Variants in GLOD4 observed in about 807,000 individuals in gnomAD.
GLOD4 encodes glyoxalase domain containing 4.
In GLOD4, 44 loss-of-function variants were observed where a neutral mutation model predicts 39.1. The observed-to-expected ratio is 1.13, with a 90% CI of 0.88 to 1.45. GLOD4 has a LOEUF of 1.45. GLOD4 is among the 40% of genes most tolerant of loss of function. The pLI, the probability that GLOD4 is intolerant of heterozygous loss-of-function variation, is 0.00. For synonymous variants in GLOD4, 145 were observed against 135.0 expected, an observed-to-expected ratio of 1.07 and a Z score of -0.52; for missense variants, 405 against 366.4, an observed-to-expected ratio of 1.11 and a Z score of -0.86.
At position 778,267 on chromosome 17, in the gene GLOD4, A is replaced by G. The variant is rs377022960; in HGVS notation, c.140+428T>C. On this transcript the variant is annotated intron_variant, in intron 2 of 8. Transcript: ENST00000301329. ...TTGTAGTTGGTCATCGGAAATCCTG[A>G]AGATCCAGACTGTGACCGGCGCCTG... 5.9e-4 allele frequency: 166 copies of G among 280,310 alleles called. 2 individuals carry two copies. The highest frequency in any genetic ancestry group is 3.5e-3 in the African/African-American group (160 of 46,066). The allele number at this position is 280,310 out of a possible 1,614,324, so 17.4% of individuals were successfully genotyped here.
upstream of GLOD4, chr17:782,721 T>C: frequency 6.4e-7 from 1 of 1,568,480 alleles, no homozygotes; most frequent in Non-Finnish European, 8.7e-7. Flanking sequence ...CTGTCGAATG[T>C]TCTCGTTTCC....
intron 8 of GLOD4, chr17:764,574 G>T (rs1384093697): frequency 1.3e-5 from 2 of 151,782 alleles, no homozygotes; most frequent in Non-Finnish European, 2.9e-5. Flanking sequence ...CCTTATAATA[G>T]ATTAAAAAAT....
At chr17:780,538 C>T (rs1909704855) in intron 1 of GLOD4, 1 of 152,102 alleles carries the variant, frequency 6.6e-6, no homozygotes, top group Non-Finnish European at 1.5e-5. Context: ...TAGACGTCAA[C>T]TCGAATCCTG....
At chr17:778,548 T>G in intron 2 of GLOD4, 147 bp downstream of exon 2, 1 of 689,080 alleles carries the variant, frequency 1.5e-6, no homozygotes, top group South Asian at 1.6e-5. Context: ...AGAAACAGTA[T>G]GTGTTCCCGA....
At chr17:769,449 C>T (rs1735593065) in intron 8 of GLOD4, among the ~76,000 whole-genome samples, 1 of 147,916 alleles carries the variant, frequency 6.8e-6, no homozygotes, top group African/African-American at 2.5e-5. Flanking sequence ...CGGATAGAGG[C>T]ATCTCCATGG....
At chr17:785,363 T>A (rs1426153031), upstream of GLOD4, among the ~76,000 whole-genome samples, 1 of 152,082 alleles carries the variant, frequency 6.6e-6, no homozygotes, top group Non-Finnish European at 1.5e-5. Context: ...ATTCTTTCCA[T>A]AAAACTTTAG....
At chr17:772,013 C>CAAA (rs67745456) in intron 4 of GLOD4, among the ~76,000 whole-genome samples, 13 of 50,982 alleles carry the variant, frequency 2.5e-4, no homozygotes, top group African/African-American at 1.0e-3. Context: ...AACTCTGTCT[C>CAAA]AAAAAAAAAA....
intron 1 of GLOD4, among the ~76,000 whole-genome samples, chr17:779,134 G>A (rs941218079): frequency 6.6e-6 from 1 of 151,980 alleles, no homozygotes; most frequent in East Asian, 1.9e-4. Flanking sequence ...GGCAAACATA[G>A]TGAAACCCCG....
rs569650658 is a variant in GLOD4 at position 759,936 on chromosome 17, C to T, written c.*237G>A. 9.3e-5 allele frequency: 49 copies of T among 528,312 alleles called. 1 individual carries two copies. Among genetic ancestry groups the T allele is most frequent in the South Asian group, 7.3e-4 (30 of 41,224 alleles). The allele number at this position is 528,312 out of a possible 1,614,324, so 32.7% of individuals were successfully genotyped here. ...ATCCAACACAGTTATATACAGAATGCGCAGTCCCAGCAACAGTGTAGATTA... is the reference window on the plus strand; with the variant it reads ...ATCCAACACAGTTATATACAGAATGTGCAGTCCCAGCAACAGTGTAGATTA... On this transcript the variant is annotated 3_prime_UTR_variant, in exon 9 of 9. Transcript: ENST00000301329.
intron 8 of GLOD4, chr17:763,561 G>A (rs1034828568): frequency 7.2e-5 from 11 of 151,920 alleles, no homozygotes; most frequent in African/African-American, 2.4e-4. Flanking sequence ...ACTTAAGAAC[G>A]TACCGATATA....
chr17:779,769 C>G (rs1284718176), intron 1 of GLOD4, among the ~76,000 whole-genome samples: 1 of 152,234 alleles, frequency 6.6e-6, no homozygotes, highest in Non-Finnish European at 1.5e-5. Flanking sequence ...TCACAGAACC[C>G]TGCACACAGC....
At chr17:774,411 C>T (rs554201310) in intron 4 of GLOD4, among the ~76,000 whole-genome samples, 8 of 152,358 alleles carry the variant, frequency 5.3e-5, no homozygotes, top group Admixed American at 2.6e-4. Flanking sequence ...CCTTGCCATT[C>T]GCCAGCATTT....
At chr17:772,945 A>G (rs935927450) in intron 4 of GLOD4, among the ~76,000 whole-genome samples, 5 of 152,004 alleles carry the variant, frequency 3.3e-5, no homozygotes, top group Non-Finnish European at 5.9e-5. Context: ...CAGTGAGCCC[A>G]GAGCGCGCCA....
At chr17:783,035 C>T (rs1347891651), upstream of GLOD4, 24 of 1,558,684 alleles carry the variant, frequency 1.5e-5, no homozygotes, top group South Asian at 2.4e-5. Flanking sequence ...GTCTCAGTAA[C>T]AAGGATGTTG....
At position 774,575 on chromosome 17, in the gene GLOD4, C is replaced by T. The variant is rs536472902; in HGVS notation, c.406+1200G>A. Among the ~76,000 whole-genome samples the T allele has an allele frequency of 3.3e-5, 5 of 152,312 alleles. No homozygotes were observed. In the South Asian group the frequency reaches 8.3e-4, roughly 25 times the overall value. On this transcript the variant is annotated intron_variant, in intron 4 of 8. Transcript: ENST00000301329. ...TGTGTGGCAGTCAGCGTGGGGGCTC[C>T]TCACTTCCATGCCATCCCTGAGTAC...
chr17:782,276 G>C lies in GLOD4; in HGVS notation c.-21C>G, dbSNP rs369917025. ...GCCATGATTCCCGCCGCACGCAGCCGTCACGCGCACCGTACAGCCCAGTCC... is the reference window on the plus strand; with the variant it reads ...GCCATGATTCCCGCCGCACGCAGCCCTCACGCGCACCGTACAGCCCAGTCC... On this transcript the variant is annotated 5_prime_UTR_variant, in exon 1 of 9. Coordinates refer to ENST00000301329, the MANE Select transcript of GLOD4 (RefSeq NM_016080.4). 6.2e-7 allele frequency: 1 copy of C among 1,612,430 alleles called. No individual in the cohort carries two copies. Among genetic ancestry groups the C allele is most frequent in the Non-Finnish European group, 8.5e-7 (1 of 1,179,016 alleles).
In GLOD4 at chr17:759,670, T is replaced by C. The variant is rs1256754554; in HGVS notation, c.*503A>G. On this transcript the variant is annotated 3_prime_UTR_variant, in exon 9 of 9. Transcript: ENST00000301329. The stretch of plus-strand genomic sequence containing the variant: ...AGAGGGGGGTGGTTAACCAAACCTT[T>C]TGGTCCAAGGAATAAAATTTCTTTA... 6.5e-6 allele frequency: 1 copy of C among 152,746 alleles called. No homozygotes were observed. The highest frequency in any genetic ancestry group is 1.5e-5 in the Non-Finnish European group (1 of 68,424). The allele number at this position is 152,746 out of a possible 1,614,324, so 9.5% of individuals were successfully genotyped here.
chr17:781,942 C>A, intron 1 of GLOD4: 1 of 539,224 alleles, frequency 1.9e-6, no homozygotes, highest in Non-Finnish European at 3.3e-6. Flanking sequence ...AAAGGACGTG[C>A]GTGGGCACAC....
intron 1 of GLOD4, among the ~76,000 whole-genome samples, chr17:780,057 G>C (rs1490758271): frequency 2.0e-5 from 3 of 152,076 alleles, no homozygotes; most frequent in African/African-American, 7.2e-5. Context: ...CCAGCTACTC[G>C]GGAGGCTGAG....
Sources: allele counts gnomAD v4.1 joint callset (sites outside exome capture counted in the v4.1 genomes callset), GRCh38; gene constraint gnomAD v4.1.1; transcripts MANE v1.5; gene names NCBI Gene and HGNC (gene_info 2026-07-23, HGNC 2026-07-21).